The following SEC16B variants were observed in gnomAD, a reference collection of about 807,000 sequenced individuals.
The protein encoded by SEC16B is protein transport protein Sec16B.
SEC16B carries 115 observed loss-of-function variants against 141.8 expected under a neutral mutation model. The observed-to-expected ratio is 0.81, with a 90% CI of 0.70 to 0.95. SEC16B has a LOEUF of 0.95. SEC16B is among the 40% of genes least tolerant of loss of function. The pLI, the probability that SEC16B is intolerant of heterozygous loss-of-function variation, is 0.00. For synonymous variants in SEC16B, 493 were observed against 492.5 expected, an observed-to-expected ratio of 1.00 and a Z score of -0.01; for missense variants, 1,291 against 1,312.3, an observed-to-expected ratio of 0.98 and a Z score of 0.25.
rs75816569 is a variant in SEC16B at position 177,964,007 on chromosome 1, A to G, written c.642+164T>C. On this transcript the variant is annotated intron_variant, in intron 5 of 25. Transcript: ENST00000308284. ...CTAAGACTGAGGCAGTAAGGAGGGAAAAAAGGAAGGCATGGGCGGAGGTTC... is the reference window on the plus strand; with the variant it reads ...CTAAGACTGAGGCAGTAAGGAGGGAGAAAAGGAAGGCATGGGCGGAGGTTC... 2.1e-3 allele frequency among the ~76,000 whole-genome samples: 321 copies of G among 152,294 alleles called. 1 individual carries two copies. The highest frequency in any genetic ancestry group is 7.6e-3 in the African/African-American group (316 of 41,556).
intron 14 of SEC16B, chr1:177,945,406 G>A (rs988192755): frequency 2.0e-5 from 3 of 152,220 alleles, no homozygotes; most frequent in African/African-American, 2.4e-5. Context: ...TAGGAGGGGA[G>A]ACATATTAGC....
At position 177,944,917 on chromosome 1, in the gene SEC16B, G is replaced by A. The variant is rs74128486; in HGVS notation, c.1776-251C>T. Reference sequence around the variant, plus strand: ...CTCTGCACCAGAGGCACTGGGAGGCGGAGGCTGCAGAAAAGGGGGGTCACC... The same window carrying A: ...CTCTGCACCAGAGGCACTGGGAGGCAGAGGCTGCAGAAAAGGGGGGTCACC... On this transcript the variant is annotated intron_variant, in intron 14 of 25. Transcript: ENST00000308284. 9.6e-3 allele frequency among the ~76,000 whole-genome samples: 1,467 copies of A among 152,262 alleles called. 20 individuals carry two copies. Among genetic ancestry groups the A allele is most frequent in the African/African-American group, 0.034 (1,397 of 41,542 alleles).
intron 1 of SEC16B, 46 bp from the exon 2 acceptor site, chr1:177,968,085 T>A: frequency 8.6e-7 from 1 of 1,166,006 alleles, no homozygotes; most frequent in Non-Finnish European, 1.2e-6. Context: ...GAAGCCTATA[T>A]CCAAACATAG....
rs141287782 is a variant in SEC16B at position 177,935,194 on chromosome 1, G to A, written c.2571+1104C>T. Among the ~76,000 whole-genome samples the A allele has an allele frequency of 6.0e-3, 920 of 152,192 alleles. 6 individuals are homozygous for A. The highest frequency in any genetic ancestry group is 0.021 in the African/African-American group (859 of 41,518). ...ACCCCTCTGAAGTGAGATGCCTGGC[G>A]CGTATAGTTGTCTATTTTTAGTCAC... is the stretch of plus-strand genomic sequence containing the variant. On this transcript the variant is annotated intron_variant, in intron 20 of 25. Transcript: ENST00000308284.
chr1:177,940,066 G>A (rs1483207100), intron 17 of SEC16B, among the ~76,000 whole-genome samples: 1 of 152,116 alleles, frequency 6.6e-6, no homozygotes, highest in Non-Finnish European at 1.5e-5. Context: ...GATAGAAGGG[G>A]TAGAGGCTGT....
chr1:177,930,992 C>A (rs1240951043), intron 24 of SEC16B, among the ~76,000 whole-genome samples: 1 of 152,154 alleles, frequency 6.6e-6, no homozygotes, highest in Non-Finnish European at 1.5e-5. Context: ...TAAATTAGTA[C>A]AACCTCTATG....
At chr1:177,975,675 G>A (rs539394243) in intron 1 of SEC16B, among the ~76,000 whole-genome samples, 22 of 152,322 alleles carry the variant, frequency 1.4e-4, no homozygotes, top group African/African-American at 5.3e-4. Flanking sequence ...GGCCACACAT[G>A]TATTTCCAGC....
rs1360929069 is a variant in SEC16B, at chr1:177,952,009, G to A, written c.1464-14C>T. On this transcript the variant is annotated splice_polypyrimidine_tract_variant and intron_variant, in intron 11 of 25. Transcript: ENST00000308284. The stretch of plus-strand genomic sequence containing the variant: ...GTGCTGGTGAAGCTGCGGAGAGAAG[G>A]ATAGTCAGCGAGGACCAAGCCCAGG... 3 of 1,586,492 alleles carry A rather than the reference G, an allele frequency of 1.9e-6. No homozygotes were observed. The highest frequency in any genetic ancestry group is 1.8e-5 in the Admixed American group (1 of 56,274).
intron 10 of SEC16B, among the ~76,000 whole-genome samples, chr1:177,956,529 A>G (rs1467603120): frequency 6.6e-6 from 1 of 152,168 alleles, no homozygotes; most frequent in Non-Finnish European, 1.5e-5. Flanking sequence ...TGGGAGCATC[A>G]TTTCCCAAGT....
At chr1:177,964,870 G>A (rs1425848044) in intron 4 of SEC16B, among the ~76,000 whole-genome samples, 177 bp downstream of exon 4, 1 of 152,192 alleles carries the variant, frequency 6.6e-6, no homozygotes, top group Non-Finnish European at 1.5e-5. Flanking sequence ...TCCCTTCCCA[G>A]GGTCCATATT....
chr1:177,961,201 TGA>T lies in SEC16B; in HGVS notation c.788-264_788-263del, dbSNP rs551612505. 6.1e-5 allele frequency: 29 copies of T among 475,642 alleles called. No homozygotes were observed. The South Asian group carries it at 7.0e-4, about 12-fold the overall frequency. The allele number at this position is 475,642 out of a possible 1,614,324, so 29.5% of individuals were successfully genotyped here. A position where few individuals can be genotyped will look rare whatever the true frequency, so the allele number is the denominator to read the frequency against. ...TCTCAGCCCAGACTCTCAGTGATGC[TGA>T]GAGGCCAAGGAGTCTCTGGCTTTCA... On this transcript the variant is annotated intron_variant, in intron 6 of 25. Transcript: ENST00000308284.
At chr1:177,949,528 G>GAGAC (rs1557977785) in intron 12 of SEC16B, among the ~76,000 whole-genome samples, 1 of 151,768 alleles carries the variant, frequency 6.6e-6, no homozygotes, top group Non-Finnish European at 1.5e-5. Flanking sequence ...ACACAGTAGA[G>GAGAC]AGAGAGAGAG....
chr1:177,943,208 C>T (rs906386993), intron 15 of SEC16B, among the ~76,000 whole-genome samples: 6 of 152,118 alleles, frequency 3.9e-5, no homozygotes, highest in African/African-American at 1.4e-4. Context: ...GACCAAAGAG[C>T]CGGTCGAGGA....
chr1:177,981,148 G>A (rs956615061), intron 1 of SEC16B, among the ~76,000 whole-genome samples: 1 of 152,072 alleles, frequency 6.6e-6, no homozygotes, highest in Non-Finnish European at 1.5e-5. Flanking sequence ...TTTGCACACA[G>A]TTATGATGAA....
intron 10 of SEC16B, among the ~76,000 whole-genome samples, chr1:177,956,938 G>T (rs1210028249): frequency 6.6e-6 from 1 of 152,114 alleles, no homozygotes; most frequent in Non-Finnish European, 1.5e-5. Context: ...GTCGGGTTAG[G>T]TGTATCAAAT....
At chr1:177,948,552 G>T (rs755450058) in intron 12 of SEC16B, 13 of 1,303,714 alleles carry the variant, frequency 1.0e-5, no homozygotes, top group Non-Finnish European at 1.3e-5. Context: ...TTCCACCAGG[G>T]GGCAAAAAAG....
Position 177,929,183 on chromosome 1 carries a change from T to C in SEC16B, c.*675A>G, listed in dbSNP as rs1160901696. ...TTAGGTTCAGTAGTTACCATGACAA[T>C]ATGATGCCTACAGCAATCTAACTTG... On this transcript the variant is annotated 3_prime_UTR_variant, in exon 26 of 26. Transcript: ENST00000308284. The C allele has an allele frequency of 6.5e-6, 1 of 153,208 alleles. No individual in the cohort carries two copies. Among genetic ancestry groups the C allele is most frequent in the Non-Finnish European group, 1.5e-5 (1 of 68,464 alleles). The allele number at this position is 153,208 out of a possible 1,614,324, so 9.5% of individuals were successfully genotyped here.
In SEC16B at chr1:177,947,929, T is replaced by G. The variant is rs762535664; in HGVS notation, c.1559A>C (p.Lys520Thr). The change falls in exon 13 of 26, where the codon AAG becomes ACG. Residue 520 changes from lysine (K) to threonine (T), a missense_variant. Coordinates refer to ENST00000308284, the MANE Select transcript of SEC16B (RefSeq NM_033127.4). Reference sequence around the variant, plus strand: ...GTGAGGCCTCCAGTCTCCCCACTGCTTTTCTCCACAACACTGAAAAGCACC... The same window carrying G: ...GTGAGGCCTCCAGTCTCCCCACTGCGTTTCTCCACAACACTGAAAAGCACC... Reference protein sequence around the residue: ...IPQAATCCGEKQWGDWRPHLA... With the variant: ...IPQAATCCGETQWGDWRPHLA... 2 of 1,554,494 alleles carry G rather than the reference T, an allele frequency of 1.3e-6. No individual in the cohort carries two copies.
At chr1:177,963,136 G>A (rs1294139540) in intron 5 of SEC16B, among the ~76,000 whole-genome samples, 1 of 151,548 alleles carries the variant, frequency 6.6e-6, no homozygotes, top group African/African-American at 2.4e-5. Context: ...AAAAAGTAAA[G>A]CTCTTTGTAC....
Sources: gnomAD v4.1 joint callset for allele counts (sites outside exome capture counted in the v4.1 genomes callset) on GRCh38, gnomAD v4.1.1 for gene constraint, MANE v1.5 for transcripts, NCBI Gene and HGNC (gene_info 2026-07-23, HGNC 2026-07-21) for gene names.